SNU13: variants seen among roughly 807,000 people sequenced by gnomAD.
SNU13 encodes the protein small nuclear ribonucleoprotein 13.
Under a neutral mutation model 12.4 loss-of-function variants are expected in SNU13, and 2 were observed. The ratio of observed to expected loss-of-function variants is 0.16; its 90% CI spans 0.07 to 0.51. The LOEUF (loss-of-function observed/expected upper bound fraction) is 0.51, where lower values mean the gene tolerates loss of function less well. Among genes scored for constraint, SNU13 ranks in the 20% least tolerant of loss-of-function variants. The probability of loss-of-function intolerance (pLI) is 0.96; values close to 1 mark genes in which losing one functional copy is unlikely to be tolerated. For missense variants in SNU13, 66 were observed against 157.8 expected, an observed-to-expected ratio of 0.42 and a Z score of 3.12; for synonymous variants, 68 against 66.5, an observed-to-expected ratio of 1.02 and a Z score of -0.11.
intron 1 of SNU13, among the ~76,000 whole-genome samples, chr22:41,687,324 T>A (rs1235033349): frequency 6.6e-6 from 1 of 152,182 alleles, no homozygotes; most frequent in African/African-American, 2.4e-5. Flanking sequence ...TGTACAACTA[T>A]GATATGTCAA....
chr22:41,682,258 CGTT>C, intron 1 of SNU13: 5 of 1,341,964 alleles, frequency 3.7e-6, no homozygotes, highest in Non-Finnish European at 5.3e-6. Context: ...TTCCTCCTTC[CGTT>C]TTTTTACAGC....
At chr22:41,683,395 C>T (rs547789088) in intron 1 of SNU13, among the ~76,000 whole-genome samples, 39 of 152,290 alleles carry the variant, frequency 2.6e-4, no homozygotes, top group African/African-American at 9.1e-4. Context: ...CATGCATGCA[C>T]CACCACGTCT....
intron 2 of SNU13, among the ~76,000 whole-genome samples, chr22:41,680,031 G>A (rs1331033926): frequency 1.3e-5 from 2 of 152,152 alleles, no homozygotes; most frequent in African/African-American, 4.8e-5. Flanking sequence ...CACTTATAGA[G>A]TGAAAAAGAA....
intron 1 of SNU13, among the ~76,000 whole-genome samples, chr22:41,682,192 A>G (rs2068269443): frequency 6.7e-6 from 1 of 148,802 alleles, no homozygotes; most frequent in Admixed American, 6.7e-5. Flanking sequence ...TGGTGGGACC[A>G]CTCATCTATA....
intron 2 of SNU13, 147 bp from the exon 3 acceptor site, chr22:41,675,342 A>G: frequency 1.0e-6 from 1 of 980,620 alleles, no homozygotes; most frequent in Admixed American, 2.5e-5. Context: ...CCAGTCAGTC[A>G]TACACAATGG....
At chr22:41,682,564 G>GA in intron 1 of SNU13, 1 of 1,453,738 alleles carries the variant, frequency 6.9e-7, no homozygotes, top group Non-Finnish European at 9.0e-7. Flanking sequence ...TATCTTAGGC[G>GA]AATTTGTCTT....
chr22:41,674,889 T>G lies in SNU13; in HGVS notation c.*44A>C, dbSNP rs2068197062. The G allele has an allele frequency of 1.2e-6, 2 of 1,600,262 alleles. No individual in the cohort carries two copies. The highest frequency in any genetic ancestry group is 1.7e-6 in the Non-Finnish European group (2 of 1,170,980). On this transcript the variant is annotated 3_prime_UTR_variant, in exon 3 of 3. Coordinates refer to ENST00000401959, the MANE Select transcript of SNU13 (RefSeq NM_001003796.2). ...AACACAGATAATATGATACACAACC[T>G]CAGGGGGGAAGCTGGCAGGGAGCAC...
upstream of SNU13, chr22:41,689,366 CA>C (rs11387808): frequency 2.8e-4 from 30 of 108,644 alleles, no homozygotes; most frequent in Admixed American, 9.5e-4. Context: ...GCGAGACTCT[CA>C]AAAAAAAAAA....
intron 1 of SNU13, among the ~76,000 whole-genome samples, chr22:41,680,731 G>A (rs986504502): frequency 6.6e-6 from 1 of 152,198 alleles, no homozygotes; most frequent in African/African-American, 2.4e-5. Context: ...GTCTTGCTCT[G>A]TTGCCCACGC....
At chr22:41,684,599 TA>T (rs1321263309) in intron 1 of SNU13, among the ~76,000 whole-genome samples, 1 of 152,254 alleles carries the variant, frequency 6.6e-6, no homozygotes, top group Non-Finnish European at 1.5e-5. Flanking sequence ...ACTACTTTGT[TA>T]CTAATTTTTA....
intron 1 of SNU13, among the ~76,000 whole-genome samples, chr22:41,686,727 A>G (rs2068313511): frequency 6.6e-6 from 1 of 151,402 alleles, no homozygotes; most frequent in Admixed American, 6.6e-5. Flanking sequence ...CCCCGGTTAT[A>G]GTGATTCTCC....
chr22:41,684,330 GT>G (rs1391596809), intron 1 of SNU13, among the ~76,000 whole-genome samples: 1 of 151,962 alleles, frequency 6.6e-6, no homozygotes, highest in African/African-American at 2.4e-5. Flanking sequence ...TTCTCCTTTT[GT>G]TTTTTTTCTT....
chr22:41,687,529 A>T (rs1195279012), intron 1 of SNU13, among the ~76,000 whole-genome samples: 1 of 152,164 alleles, frequency 6.6e-6, no homozygotes, highest in Non-Finnish European at 1.5e-5. Flanking sequence ...CTAGCTTATA[A>T]ACACTAATTG....
At chr22:41,686,914 C>G (rs928770074) in intron 1 of SNU13, among the ~76,000 whole-genome samples, 1 of 151,670 alleles carries the variant, frequency 6.6e-6, no homozygotes, top group Non-Finnish European at 1.5e-5. Context: ...CGTGAGCCAC[C>G]GTGCCCAGCT....
chr22:41,678,182 A>G (rs1198420721), intron 2 of SNU13, among the ~76,000 whole-genome samples: 2 of 151,830 alleles, frequency 1.3e-5, no homozygotes, highest in Non-Finnish European at 2.9e-5. Context: ...TCACCGTGTT[A>G]GCCAGGATGG....
intron 2 of SNU13, among the ~76,000 whole-genome samples, chr22:41,677,534 G>T (rs1569106968): frequency 6.6e-6 from 1 of 151,962 alleles, no homozygotes; most frequent in Non-Finnish European, 1.5e-5. Context: ...TCAAAAAAAA[G>T]TAAAATAAAT....
At position 41,674,888 on chromosome 22, in the gene SNU13, C is replaced by T; in HGVS notation, c.*45G>A. Reference sequence around the variant, plus strand: ...TAACACAGATAATATGATACACAACCTCAGGGGGGAAGCTGGCAGGGAGCA... The same window carrying T: ...TAACACAGATAATATGATACACAACTTCAGGGGGGAAGCTGGCAGGGAGCA... On this transcript the variant is annotated 3_prime_UTR_variant, in exon 3 of 3. Transcript: ENST00000401959. 4 of 1,599,766 alleles carry T rather than the reference C, an allele frequency of 2.5e-6. No homozygotes were observed. The highest frequency in any genetic ancestry group is 3.4e-6 in the Non-Finnish European group (4 of 1,170,692).
chr22:41,686,321 A>G (rs1285728079), intron 1 of SNU13, among the ~76,000 whole-genome samples: 4 of 136,130 alleles, frequency 2.9e-5, no homozygotes, highest in African/African-American at 1.1e-4. Context: ...TTTTTTTTTT[A>G]AGAGACGGCA....
At chr22:41,686,154 A>C (rs2068308286) in intron 1 of SNU13, among the ~76,000 whole-genome samples, 1 of 151,978 alleles carries the variant, frequency 6.6e-6, no homozygotes. Flanking sequence ...TACATATTTA[A>C]GTATTGGTAT....
Sources: allele counts gnomAD v4.1 joint callset (sites outside exome capture counted in the v4.1 genomes callset), GRCh38; gene constraint gnomAD v4.1.1; transcripts MANE v1.5; gene names NCBI Gene and HGNC (gene_info 2026-07-23, HGNC 2026-07-21).